ADAMTS18: variants seen among roughly 807,000 people sequenced by gnomAD.
ADAMTS18 encodes the protein ADAM metallopeptidase with thrombospondin type 1 motif 18, also known as A disintegrin and metalloproteinase with thrombospondin motifs 18.
Under a neutral mutation model 165.9 loss-of-function variants are expected in ADAMTS18, and 157 were observed. That is an observed-to-expected ratio of 0.95 (90% CI 0.83 to 1.08). The LOEUF (loss-of-function observed/expected upper bound fraction) is 1.08. Among genes scored for constraint, ADAMTS18 ranks in the 50% least tolerant of loss-of-function variants. The pLI, the probability that ADAMTS18 is intolerant of heterozygous loss-of-function variation, is 0.00. For synonymous variants in ADAMTS18, 782 were observed against 578.2 expected, an observed-to-expected ratio of 1.35 and a Z score of -5.06; for missense variants, 2,040 against 1,534.0, an observed-to-expected ratio of 1.33 and a Z score of -5.51.
chr16:77,352,747 T>G (rs2056573659), intron 10 of ADAMTS18, among the ~76,000 whole-genome samples: 1 of 151,960 alleles, frequency 6.6e-6, no homozygotes, highest in African/African-American at 2.4e-5. Flanking sequence ...TTCCATGCAT[T>G]TTTCAGTTAC....
chr16:77,392,680 C>G (rs1233985795), intron 3 of ADAMTS18, among the ~76,000 whole-genome samples: 5 of 152,136 alleles, frequency 3.3e-5, no homozygotes, highest in Non-Finnish European at 5.9e-5. Flanking sequence ...GTGCCGAGCC[C>G]TGTTCCTAGC....
At chr16:77,406,478 G>A (rs1006327761) in intron 3 of ADAMTS18, among the ~76,000 whole-genome samples, 2 of 151,966 alleles carry the variant, frequency 1.3e-5, no homozygotes, top group Non-Finnish European at 2.9e-5. Context: ...TGAGGTCCTT[G>A]ACACTACAAT....
rs189339073 is a variant in ADAMTS18 at position 77,433,657 on chromosome 16, C to A, written c.178+761G>T. 2.5e-3 allele frequency among the ~76,000 whole-genome samples: 388 copies of A among 152,308 alleles called. 3 individuals are homozygous for A. The highest frequency in any genetic ancestry group is 4.5e-3 in the Admixed American group (69 of 15,300). On this transcript the variant is annotated intron_variant, in intron 2 of 22. Transcript: ENST00000282849. ...TTCCCCTGACAAGAAAAGGAGATAA[C>A]CTTGCAAAACTAAAAATTACAGAAT...
chr16:77,357,202 C>T (rs1163175015), intron 8 of ADAMTS18, among the ~76,000 whole-genome samples: 1 of 151,768 alleles, frequency 6.6e-6, no homozygotes, highest in Non-Finnish European at 1.5e-5. Flanking sequence ...TAGTCTATAC[C>T]AAATAAATAT....
chr16:77,333,500 A>G (rs76276583), intron 12 of ADAMTS18, among the ~76,000 whole-genome samples: 31 of 151,610 alleles, frequency 2.0e-4, no homozygotes, highest in African/African-American at 6.8e-4. Flanking sequence ...ACCAAAAAAA[A>G]AAAAATAAAA....
intron 3 of ADAMTS18, among the ~76,000 whole-genome samples, chr16:77,416,976 G>C (rs749930141): frequency 6.6e-6 from 1 of 152,108 alleles, no homozygotes; most frequent in African/African-American, 2.4e-5. Flanking sequence ...AAGATTACTC[G>C]GTATTTATAT....
chr16:77,405,588 T>TA (rs2144817781), intron 3 of ADAMTS18, among the ~76,000 whole-genome samples: 1 of 152,324 alleles, frequency 6.6e-6, no homozygotes, highest in South Asian at 2.1e-4. Flanking sequence ...CTTGAGTGAT[T>TA]AACCTCTTGT....
chr16:77,350,827 T>C (rs2056545104), intron 10 of ADAMTS18, among the ~76,000 whole-genome samples: 1 of 152,146 alleles, frequency 6.6e-6, no homozygotes, highest in South Asian at 2.1e-4. Flanking sequence ...ATACACTGCA[T>C]CTGCTGGTCT....
At chr16:77,392,946 A>G (rs190121422) in intron 3 of ADAMTS18, among the ~76,000 whole-genome samples, 1 of 152,246 alleles carries the variant, frequency 6.6e-6, no homozygotes, top group Non-Finnish European at 1.5e-5. Flanking sequence ...GACAGTATGG[A>G]GAGCTCATGG....
chr16:77,362,947 G>A (rs1487348233), intron 6 of ADAMTS18, among the ~76,000 whole-genome samples: 1 of 152,108 alleles, frequency 6.6e-6, no homozygotes, highest in South Asian at 2.1e-4. Context: ...CGCCTTTTCT[G>A]TCTTTCTAAA....
chr16:77,388,272 G>T (rs2057137629), intron 3 of ADAMTS18, among the ~76,000 whole-genome samples: 3 of 152,124 alleles, frequency 2.0e-5, no homozygotes, highest in Non-Finnish European at 4.4e-5. Flanking sequence ...GCTAATTTTT[G>T]TATTTTTATT....
intron 3 of ADAMTS18, among the ~76,000 whole-genome samples, chr16:77,430,082 C>T (rs919044917): frequency 2.4e-4 from 36 of 151,882 alleles, no homozygotes; most frequent in African/African-American, 6.0e-4. Context: ...TTTAGGACAC[C>T]GGAATAGACA....
intron 16 of ADAMTS18, among the ~76,000 whole-genome samples, chr16:77,305,773 T>C (rs1176695665): frequency 1.3e-5 from 2 of 152,040 alleles, no homozygotes; most frequent in African/African-American, 4.8e-5. Context: ...ACAGACAGCC[T>C]CTCCCACTGA....
intron 16 of ADAMTS18, among the ~76,000 whole-genome samples, chr16:77,315,617 T>C (rs189871619): frequency 6.6e-6 from 1 of 152,264 alleles, no homozygotes; most frequent in African/African-American, 2.4e-5. Flanking sequence ...AGCACGCCTC[T>C]CCGTGACAGG....
chr16:77,410,950 C>T (rs1299358748), intron 3 of ADAMTS18, among the ~76,000 whole-genome samples: 1 of 152,160 alleles, frequency 6.6e-6, no homozygotes, highest in African/African-American at 2.4e-5. Context: ...TCAGATACTC[C>T]CTGTTTATTC....
chr16:77,393,146 G>C (rs964967545), intron 3 of ADAMTS18, among the ~76,000 whole-genome samples: 1 of 152,222 alleles, frequency 6.6e-6, no homozygotes, highest in Non-Finnish European at 1.5e-5. Flanking sequence ...TCACCATGGA[G>C]GTGAAAACAG....
chr16:77,434,469 C>A lies in ADAMTS18; in HGVS notation c.127G>T (p.Ala43Ser), dbSNP rs2057772988. The change falls in exon 2 of 23, where the codon GCC (alanine) becomes TCC (serine). Residue 43 changes from alanine to serine, a missense_variant. Transcript: ENST00000282849. ...QLCCLCCASV[A>S]AALASDSSSG... ...CTGCTGTCACTGGCTAAGGCCGCGG[C>A]GACCGACGCACAGCAGAGGCAGCAC... The A allele has an allele frequency of 1.9e-6, 3 of 1,570,704 alleles. No individual in the cohort carries two copies. The highest frequency in any genetic ancestry group is 2.7e-5 in the African/African-American group (2 of 74,462).
chr16:77,313,208 A>T (rs1279359630), intron 16 of ADAMTS18, among the ~76,000 whole-genome samples: 1 of 152,042 alleles, frequency 6.6e-6, no homozygotes, highest in Non-Finnish European at 1.5e-5. Context: ...AAAATCAAAC[A>T]CCACATGTTC....
rs73633720 is a variant in ADAMTS18, at chr16:77,350,142, G to A, written c.1614+3591C>T. ...TAAAGTGCAGAATAATCAAATGGGC[G>A]CTCTCTCCACTTGTTACAGAGGGAA... is the stretch of plus-strand genomic sequence containing the variant. On this transcript the variant is annotated intron_variant, in intron 10 of 22. Coordinates refer to ENST00000282849, the MANE Select transcript of ADAMTS18 (RefSeq NM_199355.4). 6.0e-3 allele frequency among the ~76,000 whole-genome samples: 917 copies of A among 152,260 alleles called. 11 individuals carry two copies. The highest frequency in any genetic ancestry group is 0.021 in the African/African-American group (866 of 41,558).
Sources: gnomAD v4.1 joint callset for allele counts (sites outside exome capture counted in the v4.1 genomes callset) on GRCh38, gnomAD v4.1.1 for gene constraint, MANE v1.5 for transcripts, NCBI Gene and HGNC (gene_info 2026-07-23, HGNC 2026-07-21) for gene names.